DNAH3: variants seen among roughly 807,000 people sequenced by gnomAD.
The protein encoded by DNAH3 is dynein axonemal heavy chain 3, also known as axonemal beta dynein heavy chain 3.
In DNAH3, 332 loss-of-function variants were observed where a neutral mutation model predicts 432.5. That is an observed-to-expected ratio of 0.77 (90% confidence interval 0.70 to 0.84). DNAH3 has a LOEUF of 0.84. Among genes scored for constraint, DNAH3 ranks in the 40% least tolerant of loss-of-function variants. The pLI is 0.00. For missense variants in DNAH3, 4,861 were observed against 5,114.0 expected (o/e 0.95, Z 1.51); for synonymous variants, 1,956 against 1,900.2 (o/e 1.03, Z -0.76).
chr16:21,048,423 G>A (rs1470438335), intron 31 of DNAH3, among the ~76,000 whole-genome samples: 2 of 152,182 alleles, frequency 1.3e-5, no homozygotes, highest in African/African-American at 4.8e-5. Flanking sequence ...TATTCGGGTG[G>A]GAGTGACCCG....
At chr16:21,101,066 A>G (rs1205867850) in intron 16 of DNAH3, among the ~76,000 whole-genome samples, 1 of 152,206 alleles carries the variant, frequency 6.6e-6, no homozygotes, top group African/African-American at 2.4e-5. Flanking sequence ...ACCTATTGCA[A>G]TTTGAAAATA....
rs1567727183 is a variant in DNAH3, at chr16:21,064,863, GTGTGTGTGTGT to G, written c.3519-2191_3519-2181del. Among the ~76,000 whole-genome samples the G allele has an allele frequency of 5.3e-3, 350 of 66,532 alleles. 1 individual carries two copies. Among genetic ancestry groups the G allele is most frequent in the African/African-American group, 0.022 (329 of 15,140 alleles). 43.6% of individuals were successfully genotyped at this position (66,532 alleles called of 152,430 possible). ...AAAATGCATAAATATTGAGGTAGGTGTGTGTGTGTGTGTGTGTGTGTGTGTGTGTGTGTGTG... is the reference window on the plus strand; with the variant it reads ...AAAATGCATAAATATTGAGGTAGGTGGTGTGTGTGTGTGTGTGTGTGTGTG... On this transcript the variant is annotated intron_variant, in intron 24 of 61. Coordinates refer to ENST00000261383, the Ensembl canonical transcript of DNAH3.
intron 23 of DNAH3, among the ~76,000 whole-genome samples, 154 bp downstream of exon 23, chr16:21,069,258 TTAA>T (rs1218230128): frequency 2.6e-5 from 4 of 152,236 alleles, no homozygotes; most frequent in African/African-American, 9.6e-5. Flanking sequence ...GTTTGCATTT[TTAA>T]TAATAACAAC....
At chr16:21,075,040 C>T (rs548321270) in intron 21 of DNAH3, among the ~76,000 whole-genome samples, 2 of 152,202 alleles carry the variant, frequency 1.3e-5, no homozygotes, top group Admixed American at 1.3e-4. Flanking sequence ...TGAATCAGAA[C>T]CCGCATTTCA....
intron 5 of DNAH3, among the ~76,000 whole-genome samples, chr16:21,136,777 A>C (rs1446245994): frequency 6.6e-6 from 1 of 152,092 alleles, no homozygotes; most frequent in East Asian, 1.9e-4. Context: ...TACCACCCAG[A>C]TAGGAACAGT....
exon 48 of DNAH3, chr16:20,985,432 C>G: frequency 6.2e-7 from 1 of 1,614,184 alleles, no homozygotes; most frequent in Non-Finnish European, 8.5e-7. Flanking sequence ...CCGCCCGCTG[C>G]CCCCTATGCC....
At chr16:21,111,501 G>A in intron 14 of DNAH3, 125 bp downstream of exon 14, 4 of 931,056 alleles carry the variant, frequency 4.3e-6, no homozygotes, top group East Asian at 5.1e-5. Flanking sequence ...CCCTTACTTA[G>A]GGGCAGAAAA....
chr16:21,136,506 T>C lies in DNAH3; in HGVS notation c.704A>G (p.Tyr235Cys), dbSNP rs144336216. 3 of 1,614,060 alleles carry C rather than the reference T, an allele frequency of 1.9e-6. No homozygotes were observed. The highest frequency in any genetic ancestry group is 1.7e-5 in the Admixed American group (1 of 60,004). ...GCGAATTCCATTGGTCAGATAGTAA[T>C]AGTATCTCTTCCATAAACAAACCAC... Residue 235 changes from tyrosine (Y) to cysteine (C), a missense_variant, in exon 6 of 62, where the codon TAT becomes TGT. Transcript: ENST00000261383.
rs143853702 is a variant in DNAH3 at position 20,987,775 on chromosome 16, G to A, written c.6800C>T (p.Ser2267Leu). 1.1e-4 allele frequency: 179 copies of A among 1,614,100 alleles called. 1 individual carries two copies. Among genetic ancestry groups the A allele is most frequent in the Middle Eastern group, 1.6e-4 (1 of 6,062 alleles). Residue 2267 changes from serine (S) to leucine (L), a missense_variant, in exon 46 of 62, where the codon TCG (serine) becomes TTG (leucine). Transcript: ENST00000261383. Reference sequence around the variant, plus strand: ...CAGGTTAAAGACGTAATGTGACTTCGAGGGAGTTGGCAAGAAGTTCTCCAC... The same window carrying A: ...CAGGTTAAAGACGTAATGTGACTTCAAGGGAGTTGGCAAGAAGTTCTCCAC...
At chr16:20,965,509 G>T in intron 52 of DNAH3, 84 bp from the exon 53 acceptor site, 2 of 1,221,008 alleles carry the variant, frequency 1.6e-6, no homozygotes, top group Non-Finnish European at 2.2e-6. Flanking sequence ...GCTGGTATTT[G>T]AGAAAAAACA....
chr16:21,100,251 T>C (rs1471463894), intron 16 of DNAH3, among the ~76,000 whole-genome samples: 4 of 152,152 alleles, frequency 2.6e-5, no homozygotes, highest in African/African-American at 7.2e-5. Context: ...TTTGTATTTT[T>C]CATAGAGATG....
chr16:21,142,715 A>C (rs1463476536), intron 3 of DNAH3, among the ~76,000 whole-genome samples: 1 of 147,990 alleles, frequency 6.8e-6, no homozygotes, highest in Non-Finnish European at 1.5e-5. Flanking sequence ...GTGCAGTGGC[A>C]TGATTTCAGC....
At chr16:21,144,122 C>T (rs910878130) in intron 3 of DNAH3, among the ~76,000 whole-genome samples, 5 of 152,128 alleles carry the variant, frequency 3.3e-5, no homozygotes, top group African/African-American at 1.2e-4. Context: ...TAAATTAATA[C>T]ATACAAGGTG....
intron 49 of DNAH3, among the ~76,000 whole-genome samples, chr16:20,980,315 T>C (rs931402745): frequency 7.4e-5 from 10 of 134,796 alleles, no homozygotes; most frequent in African/African-American, 2.6e-4. Flanking sequence ...ATATTATATA[T>C]TATAATATAT....
At chr16:20,979,985 G>A (rs936219052) in intron 49 of DNAH3, among the ~76,000 whole-genome samples, 4 of 150,882 alleles carry the variant, frequency 2.7e-5, no homozygotes, top group Admixed American at 6.6e-5. Flanking sequence ...CCTGACCTCA[G>A]GTGATCTGCC....
intron 1 of DNAH3, among the ~76,000 whole-genome samples, chr16:21,148,393 C>T (rs897028695): frequency 5.9e-5 from 9 of 151,830 alleles, no homozygotes; most frequent in Non-Finnish European, 1.2e-4. Context: ...TGTAATTGGC[C>T]GGCTTGACTT....
intron 60 of DNAH3, among the ~76,000 whole-genome samples, chr16:20,935,835 C>A: frequency 7.0e-6 from 1 of 142,078 alleles, no homozygotes; most frequent in African/African-American, 2.6e-5. Context: ...AAGAGTGAAA[C>A]TTCATCTCAA....
At chr16:21,020,986 C>T (rs1567649081) in intron 40 of DNAH3, among the ~76,000 whole-genome samples, 1 of 152,152 alleles carries the variant, frequency 6.6e-6, no homozygotes. Flanking sequence ...AGAAGAATCG[C>T]ACAGTCATTT....
intron 12 of DNAH3, among the ~76,000 whole-genome samples, chr16:21,114,686 AT>A (rs1230482349): frequency 6.6e-6 from 1 of 152,184 alleles, no homozygotes; most frequent in Non-Finnish European, 1.5e-5. Context: ...CAAAACCACA[AT>A]GAGATACCAT....
Sources: gnomAD v4.1 joint callset for allele counts (sites outside exome capture counted in the v4.1 genomes callset) on GRCh38, gnomAD v4.1.1 for gene constraint, MANE v1.5 for transcripts, NCBI Gene and HGNC (gene_info 2026-07-23, HGNC 2026-07-21) for gene names.